CCM2: variants seen among roughly 807,000 people sequenced by gnomAD.
The protein encoded by CCM2 is cerebral cavernous malformations 2 protein.
A neutral mutation model predicts 44.9 loss-of-function variants in CCM2; 25 were observed. The ratio of observed to expected loss-of-function variants is 0.56; its 90% confidence interval spans 0.41 to 0.78. The LOEUF (loss-of-function observed/expected upper bound fraction) is 0.78, where lower values mean the gene tolerates loss of function less well. Among genes scored for constraint, CCM2 ranks in the 30% least tolerant of loss-of-function variants. The pLI is 0.00. For missense variants in CCM2, 481 were observed against 580.6 expected (o/e 0.83, Z 1.76); for synonymous variants, 219 against 241.1 (o/e 0.91, Z 0.85).
intron 2 of CCM2, among the ~76,000 whole-genome samples, chr7:45,048,321 C>T (rs1797852798): frequency 6.6e-6 from 1 of 152,158 alleles, no homozygotes; most frequent in African/African-American, 2.4e-5. Context: ...TGATAGGAGA[C>T]ATTTAATCCC....
chr7:45,050,903 G>C (rs985694842), intron 2 of CCM2, among the ~76,000 whole-genome samples: 2 of 152,222 alleles, frequency 1.3e-5, no homozygotes, highest in African/African-American at 4.8e-5. Context: ...GAGAAAGAGT[G>C]AAGGGGGTAG....
intron 1 of CCM2, among the ~76,000 whole-genome samples, chr7:45,025,385 A>C (rs1019394486): frequency 7.9e-5 from 12 of 152,194 alleles, no homozygotes; most frequent in Non-Finnish European, 1.5e-4. Context: ...CATCAGCAGC[A>C]GGCAGGCATT....
At chr7:45,053,468 G>C (rs1866582) in intron 2 of CCM2, among the ~76,000 whole-genome samples, 80,197 of 152,004 alleles carry the variant, frequency 0.53, 22,636 homozygotes, top group African/African-American at 0.74. Flanking sequence ...TCTTGGCTTC[G>C]TATCTGTCCT....
intron 1 of CCM2, among the ~76,000 whole-genome samples, chr7:45,024,030 C>T (rs1298099802): frequency 2.6e-5 from 4 of 151,966 alleles, no homozygotes; most frequent in Non-Finnish European, 4.4e-5. Flanking sequence ...AGGCTGGTCT[C>T]GAATTCCCGA....
intron 1 of CCM2, among the ~76,000 whole-genome samples, chr7:45,004,101 G>A (rs190918549): frequency 3.7e-4 from 56 of 152,238 alleles, no homozygotes; most frequent in Non-Finnish European, 6.3e-4. Context: ...GATCGCTTGA[G>A]CCCTGGAGGT....
In CCM2 at chr7:45,047,408, C is replaced by T. The variant is rs539417475; in HGVS notation, c.204+8982C>T. Among the ~76,000 whole-genome samples, 7 of 152,308 alleles carry T rather than the reference C, an allele frequency of 4.6e-5. No individual in the cohort carries two copies. The South Asian group carries it at 1.4e-3, about 32-fold the overall frequency. ...TACAAAGGGCTGGGCATGGTGGCAC[C>T]TGCCTGTAGTCCCACCTACTGGGGA... On this transcript the variant is annotated intron_variant, in intron 2 of 9. Coordinates refer to ENST00000258781, the MANE Select transcript of CCM2 (RefSeq NM_031443.4).
intron 1 of CCM2, among the ~76,000 whole-genome samples, chr7:45,028,323 G>A (rs1796784904): frequency 6.6e-6 from 1 of 152,176 alleles, no homozygotes; most frequent in South Asian, 2.1e-4. Context: ...TCTCACTGAA[G>A]CAAACAGGCG....
chr7:45,072,849 A>C, intron 7 of CCM2, 66 bp downstream of exon 7: 1 of 1,349,842 alleles, frequency 7.4e-7, no homozygotes, highest in Non-Finnish European at 1.1e-6. Context: ...GGTGTTGTCC[A>C]GGCTGCAGCC....
intron 1 of CCM2, among the ~76,000 whole-genome samples, chr7:45,016,929 G>A (rs1796291990): frequency 6.6e-6 from 1 of 151,986 alleles, no homozygotes; most frequent in South Asian, 2.1e-4. Flanking sequence ...CACCTCGCTT[G>A]GCTAATTTTT....
At chr7:45,024,798 G>A (rs1033524325) in intron 1 of CCM2, among the ~76,000 whole-genome samples, 4 of 152,036 alleles carry the variant, frequency 2.6e-5, no homozygotes, top group Admixed American at 6.5e-5. Flanking sequence ...TTTTCTTATT[G>A]GAAACCTAAG....
intron 2 of CCM2, among the ~76,000 whole-genome samples, chr7:45,061,849 A>G (rs917912695): frequency 5.3e-5 from 8 of 152,118 alleles, no homozygotes; most frequent in African/African-American, 1.9e-4. Flanking sequence ...ATGTTTCTCC[A>G]GTCTCACCCT....
chr7:45,037,315 T>C (rs1223349110), intron 1 of CCM2, among the ~76,000 whole-genome samples: 1 of 152,058 alleles, frequency 6.6e-6, no homozygotes, highest in Non-Finnish European at 1.5e-5. Context: ...AAGGTGACTT[T>C]GATTGCAGGA....
At chr7:45,055,471 G>A (rs1304653286) in intron 2 of CCM2, among the ~76,000 whole-genome samples, 2 of 152,094 alleles carry the variant, frequency 1.3e-5, no homozygotes, top group Admixed American at 6.5e-5. Flanking sequence ...GGTGGATCAC[G>A]AGGTCAGGAG....
intron 1 of CCM2, among the ~76,000 whole-genome samples, chr7:45,001,960 G>A (rs999870255): frequency 5.3e-5 from 8 of 152,096 alleles, no homozygotes. Flanking sequence ...TCTGTATTCT[G>A]CCACTTGTCT....
chr7:45,042,020 A>G lies in CCM2; in HGVS notation c.204+3594A>G, dbSNP rs1173083403. ...GTCGAGCGCCGTGGCCCATGCCTGT[A>G]ATCCCAGTACTTTGGGAGACTGAGG... On this transcript the variant is annotated intron_variant, in intron 2 of 9. Transcript: ENST00000258781. Among the ~76,000 whole-genome samples the G allele has an allele frequency of 2.0e-5, 3 of 152,168 alleles. No homozygotes were observed. The South Asian group carries it at 6.2e-4, about 32-fold the overall frequency.
intron 1 of CCM2, among the ~76,000 whole-genome samples, chr7:45,006,286 C>G (rs975264306): frequency 2.6e-5 from 4 of 152,060 alleles, no homozygotes; most frequent in African/African-American, 9.7e-5. Context: ...TGTGCTGAAG[C>G]CCCTACTTCC....
intron 1 of CCM2, among the ~76,000 whole-genome samples, chr7:45,013,544 C>T (rs1469324693): frequency 6.6e-6 from 1 of 152,080 alleles, no homozygotes; most frequent in Non-Finnish European, 1.5e-5. Flanking sequence ...GGTACAAGGA[C>T]ACTCTAACCA....
chr7:45,034,787 C>T (rs576379382), intron 1 of CCM2, among the ~76,000 whole-genome samples: 3 of 152,236 alleles, frequency 2.0e-5, no homozygotes, highest in Middle Eastern at 3.4e-3. Context: ...TCCCAAAGTG[C>T]TGGGATTACA....
intron 1 of CCM2, among the ~76,000 whole-genome samples, chr7:45,008,560 C>G (rs983223600): frequency 6.6e-6 from 1 of 151,914 alleles, no homozygotes; most frequent in Non-Finnish European, 1.5e-5. Context: ...CGGGGTTTCT[C>G]CATGTGGGTC....
Sources: gnomAD v4.1 joint callset for allele counts (sites outside exome capture counted in the v4.1 genomes callset) on GRCh38, gnomAD v4.1.1 for gene constraint, MANE v1.5 for transcripts, NCBI Gene and HGNC (gene_info 2026-07-23, HGNC 2026-07-21) for gene names.